Variants in MBOAT2 observed in about 807,000 individuals in gnomAD.
MBOAT2 encodes the protein membrane bound glycerophospholipid O-acyltransferase 2, also known as membrane-bound glycerophospholipid O-acyltransferase 2.
A neutral mutation model predicts 63.4 loss-of-function variants in MBOAT2; 28 were observed. The ratio of observed to expected loss-of-function variants is 0.44; its 90% CI spans 0.33 to 0.61. The LOEUF (loss-of-function observed/expected upper bound fraction) is 0.61, where lower values mean the gene tolerates loss of function less well. Ranked by LOEUF, MBOAT2 falls within the 20% of genes least tolerant of loss-of-function variation. The pLI, the probability that MBOAT2 is intolerant of heterozygous loss-of-function variation, is 0.03. For synonymous variants in MBOAT2, 211 were observed against 215.6 expected (o/e 0.98, Z 0.19); for missense variants, 470 against 605.8 (o/e 0.78, Z 2.35).
chr2:8,965,982 C>T (rs538611403), intron 1 of MBOAT2, among the ~76,000 whole-genome samples: 1 of 152,298 alleles, frequency 6.6e-6, no homozygotes, highest in Admixed American at 6.5e-5. Flanking sequence ...GTTACATCCA[C>T]ATCTCTACTG....
At chr2:8,998,244 C>T (rs1245256877) in intron 1 of MBOAT2, among the ~76,000 whole-genome samples, 2 of 152,192 alleles carry the variant, frequency 1.3e-5, no homozygotes, top group East Asian at 1.9e-4. Flanking sequence ...GAAAAGGAAT[C>T]GTTCACAGCA....
intron 4 of MBOAT2, among the ~76,000 whole-genome samples, chr2:8,905,323 T>C (rs1157315875): frequency 6.6e-6 from 1 of 152,168 alleles, no homozygotes; most frequent in Non-Finnish European, 1.5e-5. Flanking sequence ...AGGTGGCTTT[T>C]TCTCCCTTGT....
At chr2:8,890,585 T>A (rs928790346) in intron 4 of MBOAT2, among the ~76,000 whole-genome samples, 2 of 152,134 alleles carry the variant, frequency 1.3e-5, no homozygotes, top group African/African-American at 4.8e-5. Context: ...AGTGGTGCAA[T>A]CTCGGGTGAC....
At chr2:8,886,773 T>C (rs527449058) in intron 5 of MBOAT2, among the ~76,000 whole-genome samples, 1 of 152,358 alleles carries the variant, frequency 6.6e-6, no homozygotes, top group Admixed American at 6.5e-5. Context: ...CAAAATTATA[T>C]CCTTGATCCA....
intron 1 of MBOAT2, among the ~76,000 whole-genome samples, chr2:8,966,811 G>T (rs545243443): frequency 1.6e-4 from 25 of 152,292 alleles, no homozygotes; most frequent in Middle Eastern, 3.4e-3. Flanking sequence ...TTTCTTACAG[G>T]ATTGAAAATA....
intron 4 of MBOAT2, among the ~76,000 whole-genome samples, chr2:8,895,278 T>C (rs1287643298): frequency 6.6e-6 from 1 of 152,192 alleles, no homozygotes; most frequent in African/African-American, 2.4e-5. Flanking sequence ...TGGCCCATTT[T>C]ACAGAGTGCT....
intron 1 of MBOAT2, among the ~76,000 whole-genome samples, chr2:8,994,291 CG>C (rs1419104080): frequency 6.6e-6 from 1 of 152,078 alleles, no homozygotes. Flanking sequence ...ACAGTGAAAG[CG>C]GGGCATGATG....
intron 1 of MBOAT2, among the ~76,000 whole-genome samples, chr2:8,971,437 T>C (rs571315538): frequency 1.1e-4 from 16 of 152,150 alleles, no homozygotes; most frequent in African/African-American, 1.9e-4. Context: ...ACTGGAAACA[T>C]TCCCTTTGAA....
chr2:8,946,506 C>G (rs939234770), intron 2 of MBOAT2, among the ~76,000 whole-genome samples: 1 of 152,202 alleles, frequency 6.6e-6, no homozygotes, highest in African/African-American at 2.4e-5. Context: ...CCTTACCGTG[C>G]TTTGCAGATA....
chr2:8,901,912 G>T (rs1391385790), intron 4 of MBOAT2, among the ~76,000 whole-genome samples: 2 of 152,230 alleles, frequency 1.3e-5, no homozygotes, highest in African/African-American at 4.8e-5. Flanking sequence ...TTGTCTGACA[G>T]GCATTAGGAC....
chr2:8,970,668 A>C (rs1003145101), intron 1 of MBOAT2, among the ~76,000 whole-genome samples: 7 of 152,204 alleles, frequency 4.6e-5, no homozygotes, highest in Non-Finnish European at 4.4e-5. Context: ...AAACAGACAC[A>C]ATAAAAAATG....
At chr2:9,002,769 C>T (rs963070677) in intron 1 of MBOAT2, among the ~76,000 whole-genome samples, 3 of 152,302 alleles carry the variant, frequency 2.0e-5, no homozygotes, top group East Asian at 3.9e-4. Context: ...CCATCAAACT[C>T]GATTGGCCTC....
At chr2:8,897,130 T>C (rs1295548863) in intron 4 of MBOAT2, among the ~76,000 whole-genome samples, 1 of 151,874 alleles carries the variant, frequency 6.6e-6, no homozygotes, top group Non-Finnish European at 1.5e-5. Context: ...ACTTCTCTCT[T>C]TGACTTCTTT....
chr2:8,961,504 G>A (rs1558659272), intron 1 of MBOAT2, among the ~76,000 whole-genome samples: 1 of 152,042 alleles, frequency 6.6e-6, no homozygotes, highest in Non-Finnish European at 1.5e-5. Context: ...GAGCACACAT[G>A]CACAGGGCCA....
intron 12 of MBOAT2, among the ~76,000 whole-genome samples, 165 bp from the exon 13 acceptor site, chr2:8,859,069 T>C (rs1661312489): frequency 6.6e-6 from 1 of 152,234 alleles, no homozygotes; most frequent in Admixed American, 6.5e-5. Context: ...CCTGACAGTG[T>C]AGGCCAGTGG....
At chr2:8,997,119 A>G (rs929226533) in intron 1 of MBOAT2, among the ~76,000 whole-genome samples, 10 of 152,196 alleles carry the variant, frequency 6.6e-5, no homozygotes, top group African/African-American at 2.4e-4. Flanking sequence ...GCCTGCTTCA[A>G]TCACCCATAG....
In MBOAT2 at chr2:8,873,287, T is replaced by C. The variant is rs138674759; in HGVS notation, c.704A>G (p.Gln235Arg). 3.6e-5 allele frequency: 58 copies of C among 1,613,446 alleles called. 1 individual carries two copies. The African/African-American group carries it at 5.2e-4, about 14-fold the overall frequency. The part of the protein sequence containing the change: ...TEPSPNTAVV[Q>R]KLLVCGLSLL... ...GGACAGCCCACAAACTAAGAGCTTC[T>C]GAACAACCGCAGTCTGAAAAGCGCA... is the stretch of plus-strand genomic sequence containing the variant. Residue 235 changes from glutamine (Q) to arginine (R), a missense_variant, in exon 8 of 13, where the codon CAG becomes CGG. Coordinates refer to ENST00000305997, the MANE Select transcript of MBOAT2 (RefSeq NM_138799.4).
At chr2:8,944,441 A>T (rs1668265807) in intron 2 of MBOAT2, among the ~76,000 whole-genome samples, 1 of 152,218 alleles carries the variant, frequency 6.6e-6, no homozygotes, top group Non-Finnish European at 1.5e-5. Flanking sequence ...ATCTAGTTTA[A>T]ACTACTACTA....
At chr2:8,975,814 A>AC (rs1670776776) in intron 1 of MBOAT2, among the ~76,000 whole-genome samples, 1 of 151,654 alleles carries the variant, frequency 6.6e-6, no homozygotes, top group Admixed American at 6.6e-5. Flanking sequence ...AAAAAAAAAA[A>AC]CGATGGCCAC....
Sources: allele counts gnomAD v4.1 joint callset (sites outside exome capture counted in the v4.1 genomes callset), GRCh38; gene constraint gnomAD v4.1.1; transcripts MANE v1.5; gene names NCBI Gene and HGNC (gene_info 2026-07-23, HGNC 2026-07-21).